PDZD2: variants seen among roughly 807,000 people sequenced by gnomAD.
PDZD2 encodes the protein PDZ domain-containing protein 2.
A neutral mutation model predicts 220.7 loss-of-function variants in PDZD2; 90 were observed. That is an observed-to-expected ratio of 0.41 (90% CI 0.34 to 0.49). The LOEUF (loss-of-function observed/expected upper bound fraction) is 0.49. Ranked by LOEUF, PDZD2 falls within the 20% of genes least tolerant of loss-of-function variation. The probability of loss-of-function intolerance (pLI) is 0.28; values close to 1 mark genes in which losing one functional copy is unlikely to be tolerated. For synonymous variants in PDZD2, 1,375 were observed against 1,450.5 expected, an observed-to-expected ratio of 0.95 and a Z score of 1.18; for missense variants, 3,174 against 3,608.5, an observed-to-expected ratio of 0.88 and a Z score of 3.08.
chr5:31,856,793 A>G (rs1023484092), intron 2 of PDZD2, among the ~76,000 whole-genome samples: 1 of 151,970 alleles, frequency 6.6e-6, no homozygotes, highest in African/African-American at 2.4e-5. Context: ...TCTGTTTCCC[A>G]GAGGTTTGGC....
intron 1 of PDZD2, among the ~76,000 whole-genome samples, chr5:31,656,746 A>G (rs761516302): frequency 2.6e-4 from 39 of 152,234 alleles, no homozygotes; most frequent in Non-Finnish European, 1.5e-5. Context: ...CTCAGATACA[A>G]TCTCTTTTGG....
At chr5:31,968,604 G>A (rs979632148) in intron 2 of PDZD2, among the ~76,000 whole-genome samples, 10 of 152,128 alleles carry the variant, frequency 6.6e-5, no homozygotes, top group South Asian at 2.1e-4. Context: ...GGGGTGAGCC[G>A]AGATTGCACC....
chr5:31,989,343 C>G (rs755318314), intron 3 of PDZD2, among the ~76,000 whole-genome samples: 3 of 151,752 alleles, frequency 2.0e-5, no homozygotes, highest in African/African-American at 4.8e-5. Flanking sequence ...TGGTTCCATC[C>G]ATGTTGCTGC....
chr5:31,662,978 T>A (rs562175242), intron 1 of PDZD2, among the ~76,000 whole-genome samples: 17 of 152,280 alleles, frequency 1.1e-4, no homozygotes, highest in Non-Finnish European at 2.2e-4. Flanking sequence ...GATTTCAGCA[T>A]ATGAATTTGG....
At chr5:31,991,220 T>A (rs1195288182) in intron 3 of PDZD2, among the ~76,000 whole-genome samples, 2 of 152,150 alleles carry the variant, frequency 1.3e-5, no homozygotes, top group Non-Finnish European at 2.9e-5. Context: ...TCCCCTTGGA[T>A]GTTTGATGGA....
At chr5:31,981,255 C>A (rs1233216470) in intron 2 of PDZD2, among the ~76,000 whole-genome samples, 3 of 151,974 alleles carry the variant, frequency 2.0e-5, no homozygotes, top group Non-Finnish European at 4.4e-5. Flanking sequence ...TACCCCCCAC[C>A]TTTTTTGTTG....
At chr5:31,900,232 G>A (rs961169256) in intron 2 of PDZD2, among the ~76,000 whole-genome samples, 19 of 152,168 alleles carry the variant, frequency 1.2e-4, no homozygotes, top group African/African-American at 4.3e-4. Context: ...TGTAGGTAGC[G>A]CTGTGTACCA....
At position 31,639,817 on chromosome 5, in the gene PDZD2, G is replaced by C. The variant is rs112164283; in HGVS notation, c.-361+380G>C. 6.4e-3 allele frequency among the ~76,000 whole-genome samples: 974 copies of C among 152,318 alleles called. 15 individuals carry two copies. Among genetic ancestry groups the C allele is most frequent in the African/African-American group, 0.022 (915 of 41,576 alleles). On this transcript the variant is annotated intron_variant, in intron 1 of 24. Transcript: ENST00000438447. This position sits in a 1 kb window ranked among gnomAD's most constrained non-coding sequence, Gnocchi z 4.1. ...GTCTTCTGGTCCCTTCCTCCGACAG[G>C]AGTGGAGGTACTCAGGTACTCCGGC... is the stretch of plus-strand genomic sequence containing the variant.
At chr5:31,779,757 A>T (rs929929525) in intron 1 of PDZD2, among the ~76,000 whole-genome samples, 18 of 152,092 alleles carry the variant, frequency 1.2e-4, no homozygotes, top group Middle Eastern at 6.3e-3. Context: ...GGCACGGGGT[A>T]GTGGGCACTC....
chr5:32,078,915 CTGAAT>C (rs1741626529), intron 19 of PDZD2, among the ~76,000 whole-genome samples: 1 of 151,746 alleles, frequency 6.6e-6, no homozygotes, highest in South Asian at 2.1e-4. Context: ...TAAAAATCAA[CTGAAT>C]TAAGTGACTT....
chr5:31,737,341 T>C (rs919165592), intron 1 of PDZD2, among the ~76,000 whole-genome samples: 3 of 150,066 alleles, frequency 2.0e-5, no homozygotes, highest in African/African-American at 7.3e-5. Context: ...CCCAGCTAAT[T>C]TGTTGTATTT....
intron 6 of PDZD2, among the ~76,000 whole-genome samples, chr5:32,035,826 A>G (rs2112216123): frequency 6.6e-6 from 1 of 152,366 alleles, no homozygotes; most frequent in South Asian, 2.1e-4. Flanking sequence ...TGGGAGGAAG[A>G]TTCCTGCCAG....
intron 14 of PDZD2, among the ~76,000 whole-genome samples, chr5:32,065,999 G>C (rs946652495): frequency 1.2e-4 from 18 of 151,396 alleles, no homozygotes; most frequent in Admixed American, 3.3e-4. Context: ...ACTCCAGCCT[G>C]GGGGACAAAA....
intron 2 of PDZD2, among the ~76,000 whole-genome samples, chr5:31,915,547 C>T (rs1196000413): frequency 6.6e-6 from 1 of 152,172 alleles, no homozygotes; most frequent in Non-Finnish European, 1.5e-5. Context: ...AAGGGCATTT[C>T]TGGGTTTGGG....
chr5:31,883,472 C>T lies in PDZD2; in HGVS notation c.476+83748C>T, dbSNP rs578222276. ...CTGACCTCAGGTAATCTGCCCACCT[C>T]GACCTCCCAGAGAGCTGGGACTACA... On this transcript the variant is annotated intron_variant, in intron 2 of 24. Coordinates refer to ENST00000438447, the MANE Select transcript of PDZD2 (RefSeq NM_178140.4). Among the ~76,000 whole-genome samples the T allele has an allele frequency of 2.1e-3, 314 of 151,968 alleles. 1 individual carries two copies. Among genetic ancestry groups the T allele is most frequent in the African/African-American group, 6.7e-3 (277 of 41,424 alleles).
Position 32,089,307 on chromosome 5 carries a change from C to A in PDZD2, c.5859C>A (p.Ser1953=), listed in dbSNP as rs147328907. ...PDRNTTAAPR[S]PQCVLESKPP... is the part of the protein sequence containing the mutation. Reference sequence around the variant, plus strand: ...GAAACACCACAGCTGCCCCCAGGTCCCCCCAGTGTGTGCTGGAAAGCAAGC... The same window carrying A: ...GAAACACCACAGCTGCCCCCAGGTCACCCCAGTGTGTGCTGGAAAGCAAGC... The change falls in exon 20 of 25, where the codon TCC becomes TCA. Residue 1953 remains serine (S), a synonymous_variant. Coordinates refer to ENST00000438447, the MANE Select transcript of PDZD2 (RefSeq NM_178140.4). 2.5e-6 allele frequency: 4 copies of A among 1,614,136 alleles called. No homozygotes were observed. Among genetic ancestry groups the A allele is most frequent in the Non-Finnish European group, 2.5e-6 (3 of 1,180,012 alleles).
chr5:31,786,629 C>G (rs1753395703), intron 1 of PDZD2, among the ~76,000 whole-genome samples: 2 of 152,212 alleles, frequency 1.3e-5, no homozygotes, highest in Non-Finnish European at 2.9e-5. Context: ...ATGAGGCCAG[C>G]TACTTCATCC....
chr5:32,087,783 G>C lies in PDZD2; in HGVS notation c.4335G>C (p.Gln1445His). 6.2e-7 allele frequency: 1 copy of C among 1,613,916 alleles called. No homozygotes were observed. Among genetic ancestry groups the C allele is most frequent in the East Asian group, 2.2e-5 (1 of 44,844 alleles). ...CTGCAGCAAGGTCTCCGTCTTCCCA[G>C]ACGGGGGACAGTGGCTCTCAGGAGG... ...DASAARSPSS[Q>H]TGDSGSQEGS... Residue 1445 changes from glutamine to histidine, a missense_variant, in exon 20 of 25, where the codon CAG (glutamine) becomes CAC (histidine). By Grantham distance (24) the Gln-to-His change is conservative. Coordinates refer to ENST00000438447, the MANE Select transcript of PDZD2 (RefSeq NM_178140.4). This position sits in a 1 kb window ranked among gnomAD's most constrained non-coding sequence, Gnocchi z 4.0.
rs1344136571 is a variant in PDZD2, at chr5:31,639,835, A to C, written c.-361+398A>C. On this transcript the variant is annotated intron_variant, in intron 1 of 24. Transcript: ENST00000438447. The surrounding 1 kb of genome is among the most constrained non-coding windows in gnomAD (Gnocchi z 4.1). ...CCGACAGGAGTGGAGGTACTCAGGT[A>C]CTCCGGCCTCAGGTAATGTCTTGGG... Among the ~76,000 whole-genome samples, 1 of 151,702 alleles carries C rather than the reference A, an allele frequency of 6.6e-6. No individual in the cohort carries two copies. Among genetic ancestry groups the C allele is most frequent in the Admixed American group, 6.6e-5 (1 of 15,252 alleles).
Sources: gnomAD v4.1 joint callset for allele counts (sites outside exome capture counted in the v4.1 genomes callset) on GRCh38, gnomAD v4.1.1 for gene constraint, Gnocchi (gnomAD v3.1) non-coding constraint, MANE v1.5 for transcripts, NCBI Gene and HGNC (gene_info 2026-07-23, HGNC 2026-07-21) for gene names.